Variants in PPHLN1 observed in about 807,000 individuals in gnomAD.
The protein encoded by PPHLN1 is periphilin-1.
A neutral mutation model predicts 51.3 loss-of-function variants in PPHLN1; 29 were observed. The observed-to-expected ratio is 0.57, with a 90% CI of 0.42 to 0.77. The LOEUF (loss-of-function observed/expected upper bound fraction) is 0.77, where lower values mean the gene tolerates loss of function less well. PPHLN1 is among the 30% of genes least tolerant of loss of function. The pLI is 0.00. For synonymous variants in PPHLN1, 147 were observed against 147.8 expected (o/e 0.99, Z 0.04); for missense variants, 436 against 438.4 (o/e 0.99, Z 0.05).
At chr12:42,340,407 G>A (rs972320856) in intron 2 of PPHLN1, among the ~76,000 whole-genome samples, 1 of 151,776 alleles carries the variant, frequency 6.6e-6, no homozygotes, top group Non-Finnish European at 1.5e-5. Flanking sequence ...ATATGAGAAA[G>A]TTCATAAGAA....
At chr12:42,423,900 C>T (rs2081210564) in intron 9 of PPHLN1, among the ~76,000 whole-genome samples, 1 of 152,172 alleles carries the variant, frequency 6.6e-6, no homozygotes, top group Non-Finnish European at 1.5e-5. Flanking sequence ...TGGTCTCAAA[C>T]TCCTGACCTC....
At chr12:42,387,263 T>G in intron 6 of PPHLN1, 193 bp from the exon 7 acceptor site, 1 of 495,542 alleles carries the variant, frequency 2.0e-6, no homozygotes, top group Non-Finnish European at 3.3e-6. Context: ...TGGTTCCAGG[T>G]TATTTCAGAT....
chr12:42,341,967 G>T (rs1285914723), intron 2 of PPHLN1, among the ~76,000 whole-genome samples: 1 of 152,118 alleles, frequency 6.6e-6, no homozygotes, highest in Non-Finnish European at 1.5e-5. Context: ...TTTATAAGGG[G>T]CTTTCACAGA....
downstream of PPHLN1, chr12:42,443,979 T>G (rs992018869): frequency 6.6e-6 from 1 of 152,214 alleles, no homozygotes; most frequent in East Asian, 1.9e-4. Flanking sequence ...GTGTCAGTAT[T>G]ATGTAAATCA....
intron 7 of PPHLN1, among the ~76,000 whole-genome samples, chr12:42,387,872 A>C (rs1311864161): frequency 2.6e-5 from 4 of 152,178 alleles, no homozygotes; most frequent in African/African-American, 9.7e-5. Context: ...TCACAAAAAC[A>C]TGTGTTGTAT....
chr12:42,376,214 A>G (rs913716184), intron 5 of PPHLN1, among the ~76,000 whole-genome samples: 15 of 152,278 alleles, frequency 9.9e-5, no homozygotes, highest in African/African-American at 3.6e-4. Flanking sequence ...AGTCCAGGAT[A>G]TTTCCTTTTC....
chr12:42,430,942 T>A (rs1325142697), intron 9 of PPHLN1, among the ~76,000 whole-genome samples: 1 of 152,260 alleles, frequency 6.6e-6, no homozygotes, highest in Non-Finnish European at 1.5e-5. Flanking sequence ...TTATATAGAA[T>A]AAGCCTTCTG....
At chr12:42,364,476 T>G (rs1039794687) in intron 4 of PPHLN1, among the ~76,000 whole-genome samples, 1 of 151,782 alleles carries the variant, frequency 6.6e-6, no homozygotes, top group African/African-American at 2.4e-5. Flanking sequence ...CAAAAAAAAT[T>G]AAAAAATAAG....
chr12:42,384,347 C>T lies in PPHLN1; in HGVS notation c.512-593C>T, dbSNP rs138856579. ...TCTTACTGGAAAAATACCTGGGAGC[C>T]CTGACTACTAGTATATTTAGGCTGT... On this transcript the variant is annotated intron_variant, in intron 5 of 9. Coordinates refer to ENST00000358314, the MANE Select transcript of PPHLN1 (RefSeq NM_201439.2). Among the ~76,000 whole-genome samples the T allele has an allele frequency of 2.1e-3, 315 of 152,152 alleles. 2 individuals are homozygous for T. The highest frequency in any genetic ancestry group is 7.1e-3 in the African/African-American group (294 of 41,508).
Position 42,442,078 on chromosome 12 carries a change from A to C in PPHLN1, c.*569A>C. The C allele has an allele frequency of 1.0e-5, 6 of 574,288 alleles. No individual in the cohort carries two copies. Among genetic ancestry groups the C allele is most frequent in the Non-Finnish European group, 1.3e-5 (6 of 454,504 alleles). The allele number at this position is 574,288 out of a possible 1,614,324, so 35.6% of individuals were successfully genotyped here. A position where few individuals can be genotyped will look rare whatever the true frequency, so the allele number is the denominator to read the frequency against. ...AATGAACTCAGTGTCTTCTATTACAATAATCCTGAAACTCCTGACTCTCTC... is the reference window on the plus strand; with the variant it reads ...AATGAACTCAGTGTCTTCTATTACACTAATCCTGAAACTCCTGACTCTCTC... On this transcript the variant is annotated 3_prime_UTR_variant, in exon 10 of 10. Coordinates refer to ENST00000358314, the MANE Select transcript of PPHLN1 (RefSeq NM_201439.2).
At chr12:42,431,775 G>T in intron 9 of PPHLN1, 1 of 1,039,138 alleles carries the variant, frequency 9.6e-7, no homozygotes, top group Non-Finnish European at 1.5e-6. Context: ...ATTGCCAGAA[G>T]CACTAGTCGG....
At chr12:42,437,567 A>G (rs1049816704) in intron 9 of PPHLN1, among the ~76,000 whole-genome samples, 24 of 152,230 alleles carry the variant, frequency 1.6e-4, no homozygotes, top group African/African-American at 2.7e-4. Context: ...AAAACCTGCA[A>G]GAGCATAGAG....
intron 2 of PPHLN1, among the ~76,000 whole-genome samples, chr12:42,342,631 A>G (rs2071672756): frequency 6.6e-6 from 1 of 152,230 alleles, no homozygotes; most frequent in African/African-American, 2.4e-5. Flanking sequence ...GAGCACTAGC[A>G]GTTTATATTC....
intron 1 of PPHLN1, among the ~76,000 whole-genome samples, chr12:42,334,606 A>G (rs974044427): frequency 6.6e-6 from 1 of 152,172 alleles, no homozygotes; most frequent in Non-Finnish European, 1.5e-5. Context: ...GCCACCAAAA[A>G]TCTTTTGACA....
intron 2 of PPHLN1, among the ~76,000 whole-genome samples, chr12:42,349,452 G>C (rs1162192446): frequency 6.6e-6 from 1 of 151,764 alleles, no homozygotes; most frequent in Non-Finnish European, 1.5e-5. Flanking sequence ...GTGTTTCTCG[G>C]AGAGGGGGAT....
At chr12:42,438,076 A>G (rs2082636638) in intron 9 of PPHLN1, among the ~76,000 whole-genome samples, 1 of 152,224 alleles carries the variant, frequency 6.6e-6, no homozygotes, top group Non-Finnish European at 1.5e-5. Context: ...TATCCATTAA[A>G]GAACATCTTG....
In PPHLN1 at chr12:42,352,023, C is replaced by G. The variant is rs766156778; in HGVS notation, c.211C>G (p.Arg71Gly). The change falls in exon 3 of 10, where the codon CGA becomes GGA. Residue 71 changes from arginine to glycine, a missense_variant. Physicochemically the swap from Arg to Gly is moderately radical, Grantham distance 125. Transcript: ENST00000358314. ...CGAGGGCCGCAGTTTTTCTCATGAT[C>G]GAAGAAGTGGTCCACCTCACAGAGG... ...YDEGRSFSHD[R>G]RSGPPHRGDE... is the part of the protein sequence containing the mutation. 5.9e-6 allele frequency: 9 copies of G among 1,538,398 alleles called. No homozygotes were observed. Among genetic ancestry groups the G allele is most frequent in the Non-Finnish European group, 7.8e-6 (9 of 1,149,254 alleles).
chr12:42,415,620 C>T (rs771860017), intron 9 of PPHLN1, among the ~76,000 whole-genome samples: 2 of 152,218 alleles, frequency 1.3e-5, no homozygotes, highest in Non-Finnish European at 2.9e-5. Context: ...GGCTCTGATT[C>T]GTGGCTCTTT....
At chr12:42,427,370 A>G (rs1473359467) in intron 9 of PPHLN1, among the ~76,000 whole-genome samples, 2 of 152,218 alleles carry the variant, frequency 1.3e-5, no homozygotes, top group South Asian at 2.1e-4. Flanking sequence ...TTCAAACTAT[A>G]CTGTAAGGCC....
Sources: gnomAD v4.1 joint callset for allele counts (sites outside exome capture counted in the v4.1 genomes callset) on GRCh38, gnomAD v4.1.1 for gene constraint, MANE v1.5 for transcripts, NCBI Gene and HGNC (gene_info 2026-07-23, HGNC 2026-07-21) for gene names.